Variants in TAC1 observed in about 807,000 individuals in gnomAD.
TAC1 encodes the protein protachykinin-1.
Under a neutral mutation model 21.7 loss-of-function variants are expected in TAC1, and 12 were observed. That is an observed-to-expected ratio of 0.55 (90% CI 0.35 to 0.89). The LOEUF (loss-of-function observed/expected upper bound fraction) is 0.89, where lower values mean the gene tolerates loss of function less well. Ranked by LOEUF, TAC1 falls within the 40% of genes least tolerant of loss-of-function variation. The pLI is 0.01. For synonymous variants in TAC1, 52 were observed against 52.0 expected (o/e 1.00, Z 0.00); for missense variants, 128 against 151.4 (o/e 0.85, Z 0.81).
intron 3 of TAC1, 46 bp downstream of exon 3, chr7:97,733,865 T>A (rs376044942): frequency 6.4e-7 from 1 of 1,562,876 alleles, no homozygotes; most frequent in Non-Finnish European, 8.8e-7. Context: ...GCCCGCCCTG[T>A]CTGCTCACTC....
At position 97,739,909 on chromosome 7, in the gene TAC1, A is replaced by G. The variant is rs1317369164; in HGVS notation, c.379A>G (p.Arg127Gly). ...AAGGAGTGCAATGCAGAATTATGAA[A>G]GAAGACGTTAATAAACTACCTAACA... is the stretch of plus-strand genomic sequence containing the variant. ...YERSAMQNYE[R>G]RR is the part of the protein sequence containing the mutation. Residue 127 changes from arginine (R) to glycine (G), a missense_variant, in exon 7 of 7, where the codon AGA becomes GGA. Transcript: ENST00000319273. The G allele has an allele frequency of 3.1e-6, 5 of 1,603,818 alleles. No homozygotes were observed. The Admixed American group carries it at 6.8e-5, about 22-fold the overall frequency.
Position 97,733,947 on chromosome 7 carries a change from G to A in TAC1, c.220+128G>A, listed in dbSNP as rs1422457508. 9.2e-6 allele frequency: 9 copies of A among 980,438 alleles called. No individual in the cohort carries two copies. In the East Asian group the frequency reaches 2.1e-4, roughly 23 times the overall value. 60.7% of individuals were successfully genotyped at this position (980,438 alleles called of 1,614,324 possible). A position where few individuals can be genotyped will look rare whatever the true frequency, so the allele number is the denominator to read the frequency against. On this transcript the variant is annotated intron_variant, in intron 3 of 6. Coordinates refer to ENST00000319273, the MANE Select transcript of TAC1 (RefSeq NM_003182.3). ...CTCCAAGAGGGGTGTAATTCCCCAGGCGCGACATTGGCCCACACCGCACTA... is the reference window on the plus strand; with the variant it reads ...CTCCAAGAGGGGTGTAATTCCCCAGACGCGACATTGGCCCACACCGCACTA...
In TAC1 at chr7:97,740,042, CAA is replaced by C. The variant is rs993412378; in HGVS notation, c.*126_*127del. On this transcript the variant is annotated 3_prime_UTR_variant, in exon 7 of 7. Transcript: ENST00000319273. ...TAACAATTGTTTGGGGTTGAAAATTCAAAAAGTGTTTATTTTTCATATTGTGC... is the reference window on the plus strand; with the variant it reads ...TAACAATTGTTTGGGGTTGAAAATTCAAAGTGTTTATTTTTCATATTGTGC... 1.6e-5 allele frequency: 11 copies of C among 680,758 alleles called. No homozygotes were observed. The Admixed American group carries it at 1.8e-4, about 11-fold the overall frequency. 42.2% of individuals were successfully genotyped at this position (680,758 alleles called of 1,614,324 possible).
intron 6 of TAC1, among the ~76,000 whole-genome samples, chr7:97,739,505 G>A (rs1789653077): frequency 6.6e-6 from 1 of 151,940 alleles, no homozygotes; most frequent in Non-Finnish European, 1.5e-5. Context: ...CCCACATTTG[G>A]TTTTTATCCT....
rs764637947 is a variant in TAC1, at chr7:97,734,027, T to C, written c.220+208T>C. ...AAGATCTGGTTCGCATGCCTCACTG[T>C]ATTCGAGTGAAGCGCTCCCTTGACT... On this transcript the variant is annotated intron_variant, in intron 3 of 6. Coordinates refer to ENST00000319273, the MANE Select transcript of TAC1 (RefSeq NM_003182.3). 2.6e-5 allele frequency: 18 copies of C among 679,832 alleles called. 1 individual carries two copies. Among genetic ancestry groups the C allele is most frequent in the Non-Finnish European group, 4.2e-5 (17 of 401,666 alleles). 42.1% of individuals were successfully genotyped at this position (679,832 alleles called of 1,614,324 possible).
Position 97,732,600 on chromosome 7 carries a change from C to A in TAC1, c.-9-4C>A. The A allele has an allele frequency of 1.2e-6, 2 of 1,614,080 alleles. No homozygotes were observed. Among genetic ancestry groups the A allele is most frequent in the Non-Finnish European group, 1.7e-6 (2 of 1,180,010 alleles). The stretch of plus-strand genomic sequence containing the variant: ...TGGTGTCTTCTCCTCCTACCCCTTC[C>A]CAGAAATCCAACATGAAAATCCTCG... On this transcript the variant is annotated splice_region_variant and splice_polypyrimidine_tract_variant and intron_variant, in intron 1 of 6. Coordinates refer to ENST00000319273, the MANE Select transcript of TAC1 (RefSeq NM_003182.3). The surrounding 1 kb of genome is among the most constrained non-coding windows in gnomAD (Gnocchi z 6.2).
chr7:97,733,328 C>G (rs1379636850), intron 2 of TAC1, among the ~76,000 whole-genome samples: 4 of 152,172 alleles, frequency 2.6e-5, no homozygotes. Context: ...CCCTTCCCCA[C>G]CGGAGCCCCA....
intron 5 of TAC1, among the ~76,000 whole-genome samples, chr7:97,735,751 A>T (rs1164911487): frequency 6.6e-6 from 1 of 152,170 alleles, no homozygotes; most frequent in Admixed American, 6.5e-5. Context: ...ATATATAAAA[A>T]TTCTATGTAA....
Position 97,732,799 on chromosome 7 carries a change from A to G in TAC1, c.123+64A>G. 1.3e-6 allele frequency: 2 copies of G among 1,566,536 alleles called. No individual in the cohort carries two copies. Among genetic ancestry groups the G allele is most frequent in the Non-Finnish European group, 1.7e-6 (2 of 1,157,124 alleles). On this transcript the variant is annotated intron_variant, in intron 2 of 6. Coordinates refer to ENST00000319273, the MANE Select transcript of TAC1 (RefSeq NM_003182.3). This position sits in a 1 kb window ranked among gnomAD's most constrained non-coding sequence, Gnocchi z 6.2. ...TGGGCTCGGGAGCTGTCACCTTCCC[A>G]CGCAACAGCACCCTAGTTAACGTGG...
At chr7:97,734,526 G>T (rs943609729) in intron 4 of TAC1, among the ~76,000 whole-genome samples, 2 of 151,174 alleles carry the variant, frequency 1.3e-5, no homozygotes, top group African/African-American at 4.9e-5. Flanking sequence ...TCAGTGGGTG[G>T]CCAGCCTTGA....
At chr7:97,733,019 T>A in intron 2 of TAC1, 1 of 344,820 alleles carries the variant, frequency 2.9e-6, no homozygotes, top group Non-Finnish European at 5.4e-6. Flanking sequence ...AGGCGGGAAA[T>A]CTCGTAAGAT....
intron 4 of TAC1, 28 bp from the exon 5 acceptor site, chr7:97,734,798 G>T (rs1789545132): frequency 6.4e-7 from 1 of 1,566,380 alleles, no homozygotes; most frequent in Non-Finnish European, 8.7e-7. Flanking sequence ...AAATCTATAT[G>T]TGTTTGCTAA....
chr7:97,734,476 ACTCT>A (rs949237792), intron 4 of TAC1, among the ~76,000 whole-genome samples, 184 bp downstream of exon 4: 1 of 137,478 alleles, frequency 7.3e-6, no homozygotes, highest in Non-Finnish European at 1.6e-5. Flanking sequence ...TCTCTCTGTC[ACTCT>A]CTCTCAGTCT....
rs1789457505 is a variant in TAC1, at chr7:97,732,479, T to G, written c.-9-125T>G. The G allele has an allele frequency of 8.7e-7, 1 of 1,147,446 alleles. No homozygotes were observed. The highest frequency in any genetic ancestry group is 1.3e-6 in the Non-Finnish European group (1 of 795,702). The allele number at this position is 1,147,446 out of a possible 1,614,324, so 71.1% of individuals were successfully genotyped here. A position where few individuals can be genotyped will look rare whatever the true frequency, so the allele number is the denominator to read the frequency against. On this transcript the variant is annotated intron_variant, in intron 1 of 6. Coordinates refer to ENST00000319273, the MANE Select transcript of TAC1 (RefSeq NM_003182.3). This position sits in a 1 kb window ranked among gnomAD's most constrained non-coding sequence, Gnocchi z 6.2. ...CCGGTACAGGTGAGACTTCAGTCCT[T>G]ATGTTTTTGATCTTGGTTCATCCGT...
chr7:97,734,974 A>G (rs1789548541), intron 5 of TAC1, 125 bp downstream of exon 5: 3 of 702,232 alleles, frequency 4.3e-6, no homozygotes, highest in East Asian at 2.8e-5. Context: ...TGAAGACAAT[A>G]TAAGAATGGG....
At chr7:97,733,324 C>A (rs2115830299) in intron 2 of TAC1, among the ~76,000 whole-genome samples, 1 of 152,292 alleles carries the variant, frequency 6.6e-6, no homozygotes, top group Admixed American at 6.5e-5. Flanking sequence ...GTCACCCTTC[C>A]CCACCGGAGC....
chr7:97,733,979 G>C (rs965743985), intron 3 of TAC1, 160 bp downstream of exon 3: 4 of 742,114 alleles, frequency 5.4e-6, no homozygotes, highest in African/African-American at 1.8e-5. Context: ...ACTAAGGCAC[G>C]CACGGGCCCG....
Position 97,732,975 on chromosome 7 carries a change from G to GTTTAAT in TAC1, c.123+240_123+241insTTTAAT. 1 of 429,320 alleles carries GTTTAAT rather than the reference G, an allele frequency of 2.3e-6. No individual in the cohort carries two copies. Among genetic ancestry groups the GTTTAAT allele is most frequent in the Non-Finnish European group, 4.1e-6 (1 of 241,606 alleles). 26.6% of individuals were successfully genotyped at this position (429,320 alleles called of 1,614,324 possible). A position where few individuals can be genotyped will look rare whatever the true frequency, so the allele number is the denominator to read the frequency against. On this transcript the variant is annotated intron_variant, in intron 2 of 6. Transcript: ENST00000319273. The surrounding 1 kb of genome is among the most constrained non-coding windows in gnomAD (Gnocchi z 6.2). ...CCGGCCCAGGAACTCCCTGCAGTAG[G>GTTTAAT]GATGCCCTCCCGGATGAGCCCGAGA... is the stretch of plus-strand genomic sequence containing the variant.
rs1260125596 is a variant in TAC1, at chr7:97,733,712, T to C, written c.124-11T>C. ...CCTTACACGCCCTTTGTCCGTGCTTTTGTCTCCCAGGAGGAACTGCCGGAG... is the reference window on the plus strand; with the variant it reads ...CCTTACACGCCCTTTGTCCGTGCTTCTGTCTCCCAGGAGGAACTGCCGGAG... On this transcript the variant is annotated splice_polypyrimidine_tract_variant and intron_variant, in intron 2 of 6. Coordinates refer to ENST00000319273, the MANE Select transcript of TAC1 (RefSeq NM_003182.3). The C allele has an allele frequency of 1.2e-6, 2 of 1,613,746 alleles. No homozygotes were observed. The highest frequency in any genetic ancestry group is 1.1e-5 in the South Asian group (1 of 91,068).
Sources: gnomAD v4.1 joint callset for allele counts (sites outside exome capture counted in the v4.1 genomes callset) on GRCh38, gnomAD v4.1.1 for gene constraint, Gnocchi (gnomAD v3.1) non-coding constraint, MANE v1.5 for transcripts, NCBI Gene and HGNC (gene_info 2026-07-23, HGNC 2026-07-21) for gene names.